Variants in CAMK1D observed in about 807,000 individuals in gnomAD.
CAMK1D encodes the protein calcium/calmodulin-dependent protein kinase type 1D.
In CAMK1D, 9 loss-of-function variants were observed where a neutral mutation model predicts 47.7. The ratio of observed to expected loss-of-function variants is 0.19; its 90% CI spans 0.11 to 0.33. The LOEUF (loss-of-function observed/expected upper bound fraction) is 0.33, where lower values mean the gene tolerates loss of function less well. CAMK1D is among the 10% of genes least tolerant of loss of function. The probability of loss-of-function intolerance (pLI) is 1.00; values close to 1 mark genes in which losing one functional copy is unlikely to be tolerated. For synonymous variants in CAMK1D, 184 were observed against 184.9 expected, an observed-to-expected ratio of 0.99 and a Z score of 0.04; for missense variants, 291 against 488.7, an observed-to-expected ratio of 0.60 and a Z score of 3.81.
intron 1 of CAMK1D, among the ~76,000 whole-genome samples, chr10:12,395,849 C>T (rs1340381898): frequency 6.6e-6 from 1 of 151,554 alleles, no homozygotes; most frequent in Non-Finnish European, 1.5e-5. Context: ...ATTGCATGAA[C>T]CCAGGAGGCG....
intron 1 of CAMK1D, among the ~76,000 whole-genome samples, chr10:12,391,450 G>A (rs886849080): frequency 2.0e-5 from 3 of 152,080 alleles, no homozygotes; most frequent in Non-Finnish European, 4.4e-5. Context: ...TGGGATCACC[G>A]GTTGCTTTTC....
intron 2 of CAMK1D, among the ~76,000 whole-genome samples, chr10:12,577,813 C>T: frequency 6.6e-6 from 1 of 152,214 alleles, no homozygotes; most frequent in East Asian, 1.9e-4. Flanking sequence ...TGCCCATTTT[C>T]CTCCTTCCCC....
chr10:12,387,444 T>A lies in CAMK1D; in HGVS notation c.92+37534T>A, dbSNP rs1238123093. On this transcript the variant is annotated intron_variant, in intron 1 of 10. Coordinates refer to ENST00000619168, the MANE Select transcript of CAMK1D (RefSeq NM_153498.4). ...TATATATTTTATATATTATATATAT[T>A]TTATATATATATATATATATAGACA... is the stretch of plus-strand genomic sequence containing the variant. Among the ~76,000 whole-genome samples the A allele has an allele frequency of 4.1e-5, 2 of 48,662 alleles. 1 individual carries two copies. Among genetic ancestry groups the A allele is most frequent in the Non-Finnish European group, 8.1e-5 (2 of 24,800 alleles). The allele number at this position is 48,662 out of a possible 152,430, so 31.9% of individuals were successfully genotyped here.
At chr10:12,371,355 T>A (rs1838000399) in intron 1 of CAMK1D, among the ~76,000 whole-genome samples, 1 of 151,686 alleles carries the variant, frequency 6.6e-6, no homozygotes, top group African/African-American at 2.4e-5. Flanking sequence ...GGTGGGTAGA[T>A]CACAAGGTCA....
intron 3 of CAMK1D, among the ~76,000 whole-genome samples, chr10:12,733,350 A>G (rs1564523288): frequency 6.6e-6 from 1 of 152,162 alleles, no homozygotes; most frequent in Non-Finnish European, 1.5e-5. Context: ...TTAAGAGAAA[A>G]ATTGCAGAAT....
At chr10:12,474,793 G>A (rs1043839188) in intron 1 of CAMK1D, among the ~76,000 whole-genome samples, 14 of 151,800 alleles carry the variant, frequency 9.2e-5, no homozygotes, top group African/African-American at 3.4e-4. Flanking sequence ...TTCCCCTCAA[G>A]GTGTCCATGT....
intron 6 of CAMK1D, among the ~76,000 whole-genome samples, chr10:12,807,078 A>T (rs1838764978): frequency 6.6e-6 from 1 of 152,102 alleles, no homozygotes; most frequent in African/African-American, 2.4e-5. Context: ...GCATGTGCTG[A>T]TGGCTGTATT....
intron 1 of CAMK1D, among the ~76,000 whole-genome samples, chr10:12,515,418 C>CTTTTTTT (rs55732103): frequency 1.0e-5 from 1 of 99,010 alleles, no homozygotes; most frequent in Non-Finnish European, 2.0e-5. Context: ...TTTTTTTTTT[C>CTTTTTTT]TTTTTTTTTT....
chr10:12,426,476 C>G (rs1840232726), intron 1 of CAMK1D, among the ~76,000 whole-genome samples: 2 of 152,166 alleles, frequency 1.3e-5, no homozygotes, highest in African/African-American at 2.4e-5. Context: ...GAACTCCCGA[C>G]CTCAGCTGAT....
At chr10:12,732,289 G>A (rs1328490044) in intron 3 of CAMK1D, among the ~76,000 whole-genome samples, 1 of 152,102 alleles carries the variant, frequency 6.6e-6, no homozygotes, top group African/African-American at 2.4e-5. Flanking sequence ...GATATGGGCA[G>A]GGTCATCTCC....
chr10:12,681,070 C>A (rs545315118), intron 3 of CAMK1D, among the ~76,000 whole-genome samples: 228 of 152,200 alleles, frequency 1.5e-3, no homozygotes, highest in African/African-American at 5.2e-3. Context: ...ATCACTATGT[C>A]AGTGTCCACA....
At chr10:12,668,638 A>G (rs932817602) in intron 3 of CAMK1D, among the ~76,000 whole-genome samples, 1 of 152,258 alleles carries the variant, frequency 6.6e-6, no homozygotes, top group Non-Finnish European at 1.5e-5. Flanking sequence ...TGGTTTCTCT[A>G]TGGATATCTG....
intron 1 of CAMK1D, among the ~76,000 whole-genome samples, chr10:12,367,127 G>A (rs1837860310): frequency 6.6e-6 from 1 of 152,132 alleles, no homozygotes; most frequent in Non-Finnish European, 1.5e-5. Context: ...AGAAAAAGGG[G>A]ATAAAAAATA....
At chr10:12,717,569 T>C (rs565381592) in intron 3 of CAMK1D, among the ~76,000 whole-genome samples, 4 of 151,822 alleles carry the variant, frequency 2.6e-5, no homozygotes, top group South Asian at 2.1e-4. Flanking sequence ...CCAGGCAACA[T>C]AGACCTCTTC....
intron 1 of CAMK1D, among the ~76,000 whole-genome samples, chr10:12,423,026 G>A (rs1840110144): frequency 6.6e-6 from 1 of 152,080 alleles, no homozygotes; most frequent in Non-Finnish European, 1.5e-5. Flanking sequence ...GTTTCTTTTG[G>A]GGAGGGTTTG....
At chr10:12,570,634 C>T (rs563074859) in intron 2 of CAMK1D, among the ~76,000 whole-genome samples, 13 of 143,746 alleles carry the variant, frequency 9.0e-5, no homozygotes, top group African/African-American at 1.3e-4. Context: ...GAGCTTAGAT[C>T]GCACCATTGT....
chr10:12,368,327 A>G (rs971991781), intron 1 of CAMK1D, among the ~76,000 whole-genome samples: 4 of 151,978 alleles, frequency 2.6e-5, no homozygotes, highest in Non-Finnish European at 5.9e-5. Context: ...CTCCTGGGAG[A>G]TGGCACAGTT....
chr10:12,777,709 G>A (rs918008654), intron 5 of CAMK1D, among the ~76,000 whole-genome samples: 5 of 152,108 alleles, frequency 3.3e-5, no homozygotes, highest in Non-Finnish European at 7.4e-5. Context: ...GTGGCCCTGT[G>A]GTCAGAGGAA....
intron 1 of CAMK1D, among the ~76,000 whole-genome samples, chr10:12,454,008 C>T (rs1220365619): frequency 6.6e-6 from 1 of 152,136 alleles, no homozygotes; most frequent in Non-Finnish European, 1.5e-5. Flanking sequence ...TCTGGGGGGG[C>T]TGTTGAAACC....
Sources: allele counts gnomAD v4.1 joint callset (sites outside exome capture counted in the v4.1 genomes callset), GRCh38; gene constraint gnomAD v4.1.1; transcripts MANE v1.5; gene names NCBI Gene and HGNC (gene_info 2026-07-23, HGNC 2026-07-21).